Variants in PPM1L observed in about 807,000 individuals in gnomAD.
PPM1L encodes the protein protein phosphatase 1L.
Under a neutral mutation model 31.4 loss-of-function variants are expected in PPM1L, and 13 were observed. That is an observed-to-expected ratio of 0.41 (90% CI 0.27 to 0.66). PPM1L has a LOEUF of 0.66. PPM1L is among the 30% of genes least tolerant of loss of function. PPM1L has a pLI of 0.29. For missense variants in PPM1L, 326 were observed against 453.7 expected, an observed-to-expected ratio of 0.72 and a Z score of 2.56; for synonymous variants, 184 against 175.4, an observed-to-expected ratio of 1.05 and a Z score of -0.39.
intron 1 of PPM1L, among the ~76,000 whole-genome samples, chr3:160,782,482 A>G (rs760133009): frequency 1.6e-4 from 25 of 152,224 alleles, no homozygotes; most frequent in Non-Finnish European, 2.6e-4. Context: ...GTGCTTTAAA[A>G]TTTAATGAAT....
At chr3:160,763,533 C>T (rs984486017) in intron 1 of PPM1L, among the ~76,000 whole-genome samples, 1 of 152,144 alleles carries the variant, frequency 6.6e-6, no homozygotes, top group Admixed American at 6.5e-5. Flanking sequence ...CATGCTAGGT[C>T]CCCCTGTTGA....
rs563885147 is a variant in PPM1L at position 160,763,788 on chromosome 3, A to T, written c.399+7081A>T. Reference sequence around the variant, plus strand: ...GGGAGAGGGTCAATTGGGAAGCTTGAGACAGAGCAGTGAAGATGAAACTCA... The same window carrying T: ...GGGAGAGGGTCAATTGGGAAGCTTGTGACAGAGCAGTGAAGATGAAACTCA... On this transcript the variant is annotated intron_variant, in intron 1 of 3. Transcript: ENST00000498165. Among the ~76,000 whole-genome samples, 182 of 152,300 alleles carry T rather than the reference A, an allele frequency of 1.2e-3. 1 individual carries two copies. The highest frequency in any genetic ancestry group is 3.8e-3 in the African/African-American group (159 of 41,562).
At chr3:160,774,646 T>C (rs1711517457) in intron 1 of PPM1L, among the ~76,000 whole-genome samples, 1 of 152,198 alleles carries the variant, frequency 6.6e-6, no homozygotes, top group Admixed American at 6.5e-5. Flanking sequence ...AAATAGTCTC[T>C]ACTGTTCACT....
chr3:160,792,254 T>C (rs1712128582), intron 1 of PPM1L, among the ~76,000 whole-genome samples: 1 of 152,196 alleles, frequency 6.6e-6, no homozygotes, highest in Non-Finnish European at 1.5e-5. Context: ...TTAGTTATTT[T>C]TCTTACTATC....
intron 1 of PPM1L, among the ~76,000 whole-genome samples, chr3:160,780,766 A>G (rs1205543826): frequency 6.6e-6 from 1 of 152,214 alleles, no homozygotes; most frequent in Non-Finnish European, 1.5e-5. Context: ...GGTGGGGCCA[A>G]CCATCAGGTT....
intron 1 of PPM1L, chr3:160,842,310 G>T (rs1245334048): frequency 1.4e-6 from 1 of 702,426 alleles, no homozygotes. Context: ...GATCTGTTTG[G>T]CTCTAATAGA....
At position 161,070,916 on chromosome 3, in the gene PPM1L, T is replaced by TCA. The variant is rs1719893680; in HGVS notation, c.*1759_*1760insCA. 1 of 152,206 alleles carries TCA rather than the reference T, an allele frequency of 6.6e-6. No homozygotes were observed. Among genetic ancestry groups the TCA allele is most frequent in the Non-Finnish European group, 1.5e-5 (1 of 68,036 alleles). 9.4% of individuals were successfully genotyped at this position (152,206 alleles called of 1,614,324 possible). On this transcript the variant is annotated 3_prime_UTR_variant, in exon 4 of 4. Transcript: ENST00000498165. ...TTTCTTTGACTGCACTGAGAATTGC[T>TCA]AATGATTTCCCATGAGATTTGCTTA...
chr3:160,818,310 C>T (rs896818002), intron 1 of PPM1L, among the ~76,000 whole-genome samples: 11 of 151,964 alleles, frequency 7.2e-5, no homozygotes, highest in South Asian at 6.2e-4. Flanking sequence ...AGAATAGTGT[C>T]GGACATGGTT....
chr3:160,871,038 A>G (rs972868545), intron 1 of PPM1L, among the ~76,000 whole-genome samples: 1 of 152,210 alleles, frequency 6.6e-6, no homozygotes, highest in Non-Finnish European at 1.5e-5. Context: ...TAAATAGATA[A>G]CTTCAAAGTA....
At chr3:160,828,151 G>C (rs1576657619) in intron 1 of PPM1L, among the ~76,000 whole-genome samples, 1 of 152,164 alleles carries the variant, frequency 6.6e-6, no homozygotes, top group East Asian at 1.9e-4. Context: ...GGAGTGGGGA[G>C]TCATCCAAGC....
intron 1 of PPM1L, among the ~76,000 whole-genome samples, chr3:160,912,407 G>T (rs1325115727): frequency 1.3e-5 from 2 of 152,160 alleles, no homozygotes; most frequent in African/African-American, 2.4e-5. Flanking sequence ...AATCACAGAG[G>T]AATAAATCAT....
chr3:160,896,465 A>G (rs1188979940), intron 1 of PPM1L, among the ~76,000 whole-genome samples: 2 of 152,172 alleles, frequency 1.3e-5, no homozygotes, highest in Admixed American at 1.3e-4. Flanking sequence ...CAAAAATTAT[A>G]TTAATTTATT....
Position 160,955,654 on chromosome 3 carries a change from C to CTTTTTT in PPM1L, c.400-6071_400-6066dup, listed in dbSNP as rs34686234. 1.5e-5 allele frequency among the ~76,000 whole-genome samples: 2 copies of CTTTTTT among 134,548 alleles called. 1 individual carries two copies. Among genetic ancestry groups the CTTTTTT allele is most frequent in the African/African-American group, 5.5e-5 (2 of 36,080 alleles). 88.3% of individuals were successfully genotyped at this position (134,548 alleles called of 152,430 possible). A position where few individuals can be genotyped will look rare whatever the true frequency, so the allele number is the denominator to read the frequency against. ...TAGAATTGGCTGGCTAACAAGTTTT[C>CTTTTTT]TTTTTTTTTTTTTTTTGAGACAGTC... On this transcript the variant is annotated intron_variant, in intron 1 of 3. Coordinates refer to ENST00000498165, the MANE Select transcript of PPM1L (RefSeq NM_139245.4).
intron 1 of PPM1L, among the ~76,000 whole-genome samples, chr3:160,786,372 C>T (rs1404724166): frequency 6.7e-6 from 1 of 149,368 alleles, no homozygotes; most frequent in Non-Finnish European, 1.5e-5. Context: ...TGTGAGCCAC[C>T]ATGTTCAGTT....
intron 2 of PPM1L, among the ~76,000 whole-genome samples, chr3:160,984,951 A>G (rs955527199): frequency 1.3e-5 from 2 of 152,168 alleles, no homozygotes; most frequent in Admixed American, 6.5e-5. Context: ...GAACCCAAGG[A>G]TGCTGCTAAG....
intron 1 of PPM1L, among the ~76,000 whole-genome samples, chr3:160,863,028 T>C (rs995812832): frequency 6.6e-6 from 1 of 152,242 alleles, no homozygotes; most frequent in African/African-American, 2.4e-5. Context: ...CTTATTCATT[T>C]ACTAGCCTTT....
At chr3:160,816,688 A>G (rs893496996) in intron 1 of PPM1L, among the ~76,000 whole-genome samples, 11 of 152,092 alleles carry the variant, frequency 7.2e-5, no homozygotes, top group Admixed American at 7.2e-4. Context: ...CTAGAAAACT[A>G]TAACTGGAAG....
chr3:160,897,552 A>G (rs1428984813), intron 1 of PPM1L, among the ~76,000 whole-genome samples: 2 of 152,256 alleles, frequency 1.3e-5, no homozygotes, highest in Admixed American at 6.5e-5. Flanking sequence ...AGCTAGCTGT[A>G]TGCTAGCACT....
At chr3:160,771,616 A>G (rs1715259839) in intron 1 of PPM1L, among the ~76,000 whole-genome samples, 1 of 145,472 alleles carries the variant, frequency 6.9e-6, no homozygotes, top group Non-Finnish European at 1.5e-5. Context: ...GTTGGAGGAA[A>G]TTTAGTCTCT....
Sources: gnomAD v4.1 joint callset for allele counts (sites outside exome capture counted in the v4.1 genomes callset) on GRCh38, gnomAD v4.1.1 for gene constraint, MANE v1.5 for transcripts, NCBI Gene and HGNC (gene_info 2026-07-23, HGNC 2026-07-21) for gene names.